The following TMEM178A variants were observed in gnomAD, a reference collection of about 807,000 sequenced individuals.
TMEM178A encodes the protein transmembrane protein 178A.
Under a neutral mutation model 29.1 loss-of-function variants are expected in TMEM178A, and 12 were observed. That is an observed-to-expected ratio of 0.41 (90% CI 0.26 to 0.67). The LOEUF (loss-of-function observed/expected upper bound fraction) is 0.67, where lower values mean the gene tolerates loss of function less well. TMEM178A is among the 30% of genes least tolerant of loss of function. TMEM178A has a pLI of 0.29. For missense variants in TMEM178A, 366 were observed against 419.1 expected, an observed-to-expected ratio of 0.87 and a Z score of 1.11; for synonymous variants, 210 against 187.2, an observed-to-expected ratio of 1.12 and a Z score of -0.99.
intron 1 of TMEM178A, among the ~76,000 whole-genome samples, chr2:39,690,255 A>G (rs1461817698): frequency 6.6e-6 from 1 of 152,208 alleles, no homozygotes; most frequent in African/African-American, 2.4e-5. Flanking sequence ...ACCTGCAGTC[A>G]CGTGCTCCCT....
At chr2:39,728,191 C>T in the TMEM178A span, among the ~76,000 whole-genome samples, 5 of 152,310 alleles carry the variant, frequency 3.3e-5, no homozygotes, top group South Asian at 1.0e-3. Context: ...AGTGTAAAAG[C>T]ATTCCTATTT....
At chr2:39,698,291 C>CCA (rs1431485785) in intron 1 of TMEM178A, among the ~76,000 whole-genome samples, 1 of 152,168 alleles carries the variant, frequency 6.6e-6, no homozygotes, top group Non-Finnish European at 1.5e-5. Flanking sequence ...TTACTTAACT[C>CCA]TCTGAGCTTC....
chr2:39,666,627 C>T (rs2148047636), intron 1 of TMEM178A, among the ~76,000 whole-genome samples: 1 of 152,288 alleles, frequency 6.6e-6, no homozygotes, highest in African/African-American at 2.4e-5. Context: ...GCCGCACCTC[C>T]CGCCTCTGTC....
At chr2:39,702,432 TTACA>T (rs1236494530) in intron 1 of TMEM178A, among the ~76,000 whole-genome samples, 1 of 152,154 alleles carries the variant, frequency 6.6e-6, no homozygotes, top group Non-Finnish European at 1.5e-5. Context: ...CACTTCCTGC[TTACA>T]GAGCCTCAGG....
At chr2:39,693,481 G>A (rs373588694) in intron 1 of TMEM178A, among the ~76,000 whole-genome samples, 10 of 152,282 alleles carry the variant, frequency 6.6e-5, no homozygotes, top group African/African-American at 1.9e-4. Flanking sequence ...CAGTGACTCC[G>A]GGAACAAGGC....
At chr2:39,698,098 G>GT (rs1671628711) in intron 1 of TMEM178A, 1 of 152,180 alleles carries the variant, frequency 6.6e-6, no homozygotes, top group Non-Finnish European at 1.5e-5. Context: ...TGGAAAGATT[G>GT]TTTTTTATTT....
intron 1 of TMEM178A, among the ~76,000 whole-genome samples, chr2:39,674,411 G>C (rs1670527629): frequency 6.6e-6 from 1 of 152,198 alleles, no homozygotes; most frequent in Non-Finnish European, 1.5e-5. Context: ...AAGTAACTCA[G>C]GAATGGAAAA....
chr2:39,726,511 C>A, the TMEM178A span, among the ~76,000 whole-genome samples: 1 of 152,288 alleles, frequency 6.6e-6, no homozygotes, highest in East Asian at 1.9e-4. Flanking sequence ...GGGTTTCATT[C>A]TGAGTAAGAT....
chr2:39,734,086 G>T, the TMEM178A span, among the ~76,000 whole-genome samples: 1 of 151,974 alleles, frequency 6.6e-6, no homozygotes, highest in Non-Finnish European at 1.5e-5. Flanking sequence ...TTGCTCACCT[G>T]TTCTGCAAAA....
At chr2:39,665,635 T>C (rs1670107918), upstream of TMEM178A, 1 of 232,704 alleles carries the variant, frequency 4.3e-6, no homozygotes, top group East Asian at 7.6e-5. Context: ...GGACTGTGGA[T>C]CGGAGGTAGG....
At chr2:39,711,557 A>G (rs1017750513) in intron 3 of TMEM178A, among the ~76,000 whole-genome samples, 1 of 152,172 alleles carries the variant, frequency 6.6e-6, no homozygotes, top group African/African-American at 2.4e-5. Flanking sequence ...AGAGACAGAG[A>G]AGACAGAGTC....
chr2:39,679,353 A>G (rs974902554), intron 1 of TMEM178A, among the ~76,000 whole-genome samples: 2 of 152,012 alleles, frequency 1.3e-5, no homozygotes, highest in Admixed American at 6.6e-5. Context: ...TTCAAAGACT[A>G]AGACACTAAT....
the TMEM178A span, among the ~76,000 whole-genome samples, chr2:39,724,479 T>C: frequency 1.2e-3 from 186 of 152,314 alleles, 4 homozygotes; most frequent in African/African-American, 4.2e-3. Context: ...CCAAGTTGAA[T>C]GTGAACTAAT....
intron 1 of TMEM178A, among the ~76,000 whole-genome samples, chr2:39,686,653 G>A (rs1486280707): frequency 6.6e-6 from 1 of 150,764 alleles, no homozygotes; most frequent in Admixed American, 6.6e-5. Flanking sequence ...GAGTGCAGTA[G>A]GCAGTAGCGT....
At chr2:39,693,997 G>A (rs1450764035) in intron 1 of TMEM178A, among the ~76,000 whole-genome samples, 4 of 143,338 alleles carry the variant, frequency 2.8e-5, no homozygotes, top group Non-Finnish European at 4.5e-5. Context: ...CTGTGATGAT[G>A]TTTACTATCT....
intron 1 of TMEM178A, among the ~76,000 whole-genome samples, chr2:39,694,713 A>C (rs1671465162): frequency 6.6e-6 from 1 of 152,250 alleles, no homozygotes; most frequent in South Asian, 2.1e-4. Flanking sequence ...TATATAAAAT[A>C]TCTCATTAAC....
chr2:39,694,914 C>T (rs892432059), intron 1 of TMEM178A, among the ~76,000 whole-genome samples: 6 of 152,140 alleles, frequency 3.9e-5, no homozygotes, highest in Non-Finnish European at 7.4e-5. Flanking sequence ...AAGGTTTGTC[C>T]TCAAGAGCTT....
At chr2:39,711,462 C>T (rs140252903) in intron 3 of TMEM178A, among the ~76,000 whole-genome samples, 9 of 152,242 alleles carry the variant, frequency 5.9e-5, no homozygotes, top group East Asian at 3.9e-4. Context: ...TCACTGCTCA[C>T]GAAATTCATT....
At chr2:39,728,509 A>G in the TMEM178A span, among the ~76,000 whole-genome samples, 1 of 152,166 alleles carries the variant, frequency 6.6e-6, no homozygotes, top group African/African-American at 2.4e-5. Flanking sequence ...ATTCTGGAGG[A>G]GGAAAAAATG....
Sources: allele counts gnomAD v4.1 joint callset (sites outside exome capture counted in the v4.1 genomes callset), GRCh38; gene constraint gnomAD v4.1.1; transcripts MANE v1.5; gene names NCBI Gene and HGNC (gene_info 2026-07-23, HGNC 2026-07-21).